ABR: variants seen among roughly 807,000 people sequenced by gnomAD.
The protein encoded by ABR is active breakpoint cluster region-related protein.
ABR carries 35 observed loss-of-function variants against 107.2 expected under a neutral mutation model. The ratio of observed to expected loss-of-function variants is 0.33; its 90% CI spans 0.25 to 0.43. ABR has a LOEUF of 0.43. Among genes scored for constraint, ABR ranks in the 20% least tolerant of loss-of-function variants. The pLI is 1.00. For missense variants in ABR, 815 were observed against 1,115.2 expected (o/e 0.73, Z 3.83); for synonymous variants, 498 against 462.0 (o/e 1.08, Z -1.00).
At chr17:1,038,823 G>A (rs1026778524) in intron 16 of ABR, among the ~76,000 whole-genome samples, 3 of 152,232 alleles carry the variant, frequency 2.0e-5, no homozygotes, top group Admixed American at 2.0e-4. Flanking sequence ...ACCCTTCTGT[G>A]GCATCCTTCT....
In ABR at chr17:1,050,293, A is replaced by C. The variant is rs2032317125; in HGVS notation, c.1660-112T>G. 3 of 1,367,268 alleles carry C rather than the reference A, an allele frequency of 2.2e-6. No homozygotes were observed. The highest frequency in any genetic ancestry group is 3.0e-6 in the Non-Finnish European group (3 of 1,012,224). 84.7% of individuals were successfully genotyped at this position (1,367,268 alleles called of 1,614,324 possible). On this transcript the variant is annotated intron_variant, in intron 15 of 22. Coordinates refer to ENST00000302538, the MANE Select transcript of ABR (RefSeq NM_021962.5). This position sits in a 1 kb window ranked among gnomAD's most constrained non-coding sequence, Gnocchi z 4.6. ...AGGAGGGAGTAAGCACGGCCCACGA[A>C]GGACACGTCAGATTTTCTGGAGCTC...
intron 16 of ABR, among the ~76,000 whole-genome samples, chr17:1,049,237 A>G (rs141253245): frequency 1.3e-3 from 196 of 152,070 alleles, no homozygotes; most frequent in African/African-American, 4.6e-3. Context: ...GCGCGATCTC[A>G]GCTCACTGCA....
chr17:1,171,599 G>A (rs1024132747), intron 1 of ABR, among the ~76,000 whole-genome samples: 1 of 152,168 alleles, frequency 6.6e-6, no homozygotes, highest in African/African-American at 2.4e-5. Flanking sequence ...GTGACCTAGA[G>A]GCACACCAAG....
intron 1 of ABR, among the ~76,000 whole-genome samples, chr17:1,192,758 CA>C (rs914377796): frequency 6.6e-5 from 10 of 151,976 alleles, no homozygotes; most frequent in East Asian, 1.9e-4. Context: ...ACTAAAAATA[CA>C]AAAAAATAGC....
At chr17:1,167,149 G>T (rs2041543812) in intron 1 of ABR, among the ~76,000 whole-genome samples, 1 of 143,486 alleles carries the variant, frequency 7.0e-6, no homozygotes. Context: ...GCAAAGCCTT[G>T]AGCTCTGGCT....
intron 1 of ABR, among the ~76,000 whole-genome samples, chr17:1,214,782 CAA>C (rs2042967349): frequency 6.9e-6 from 1 of 144,828 alleles, no homozygotes. Flanking sequence ...GCCTAGGCAA[CAA>C]GAGCGAAACT....
At chr17:1,124,006 G>T (rs2039473706) in intron 2 of ABR, among the ~76,000 whole-genome samples, 1 of 152,082 alleles carries the variant, frequency 6.6e-6, no homozygotes, top group Non-Finnish European at 1.5e-5. Flanking sequence ...TCCCACAGGT[G>T]CACGCCTGGA....
At chr17:1,031,028 C>T (rs899528435) in intron 16 of ABR, among the ~76,000 whole-genome samples, 1 of 152,216 alleles carries the variant, frequency 6.6e-6, no homozygotes, top group Non-Finnish European at 1.5e-5. Context: ...GCAGGGGCAC[C>T]GGCGGTCTGC....
Position 1,005,227 on chromosome 17 carries a change from G to T in ABR, c.*853C>A. ...TGAGTCTTTACACTCAAAGGAAATA[G>T]AACAGCAGGGAAGGGAACTGAAAAG... On this transcript the variant is annotated 3_prime_UTR_variant, in exon 23 of 23. Transcript: ENST00000302538. 2.5e-6 allele frequency: 1 copy of T among 398,670 alleles called. No individual in the cohort carries two copies. Among genetic ancestry groups the T allele is most frequent in the Non-Finnish European group, 4.4e-6 (1 of 226,106 alleles). 24.7% of individuals were successfully genotyped at this position (398,670 alleles called of 1,614,324 possible).
chr17:1,134,389 G>A (rs909828265), intron 1 of ABR, among the ~76,000 whole-genome samples: 1 of 151,426 alleles, frequency 6.6e-6, no homozygotes, highest in East Asian at 1.9e-4. Flanking sequence ...TCCAGCCGGG[G>A]CAACAGAGCA....
intron 1 of ABR, among the ~76,000 whole-genome samples, chr17:1,177,680 C>T (rs919837751): frequency 2.0e-5 from 3 of 152,030 alleles, no homozygotes; most frequent in East Asian, 3.9e-4. Context: ...TTCCAGGCTT[C>T]GGGAAATAGG....
At chr17:1,058,136 CTTTTTTTTT>C in intron 11 of ABR, 91 bp from the exon 12 acceptor site, 1 of 318,116 alleles carries the variant, frequency 3.1e-6, no homozygotes, top group East Asian at 7.4e-5. Context: ...CTCCTTTTAT[CTTTTTTTTT>C]TTTTTTTTTT....
At chr17:1,052,329 C>G (rs368263479) in intron 14 of ABR, among the ~76,000 whole-genome samples, 7 of 145,890 alleles carry the variant, frequency 4.8e-5, no homozygotes, top group Admixed American at 1.4e-4. Flanking sequence ...AGCCCCTCCT[C>G]GAGGGGCTGG....
At chr17:1,082,118 G>A (rs530992072) in intron 5 of ABR, among the ~76,000 whole-genome samples, 1 of 152,154 alleles carries the variant, frequency 6.6e-6, no homozygotes. Flanking sequence ...GAGCTGAGAC[G>A]GGAACACAAA....
intron 18 of ABR, 67 bp downstream of exon 18, chr17:1,012,621 G>C: frequency 5.7e-6 from 7 of 1,227,508 alleles, no homozygotes; most frequent in Non-Finnish European, 8.2e-6. Flanking sequence ...GGGAGGGCTG[G>C]GGGGCCCGGG....
chr17:1,047,049 C>A (rs2151009184), intron 16 of ABR, among the ~76,000 whole-genome samples: 1 of 152,312 alleles, frequency 6.6e-6, no homozygotes, highest in East Asian at 1.9e-4. Flanking sequence ...CTCATCACAG[C>A]AGCAAATGCC....
rs950297555 is a variant in ABR at position 1,005,314 on chromosome 17, A to G, written c.*766T>C. 5.0e-6 allele frequency: 2 copies of G among 396,816 alleles called. No homozygotes were observed. Among genetic ancestry groups the G allele is most frequent in the Non-Finnish European group, 8.9e-6 (2 of 225,412 alleles). The allele number at this position is 396,816 out of a possible 1,614,324, so 24.6% of individuals were successfully genotyped here. A position where few individuals can be genotyped will look rare whatever the true frequency, so the allele number is the denominator to read the frequency against. ...ACAGGAGGCCGAACAGGTAAACCCC[A>G]GAAGTGGAGATTCCCAAACGGAAAA... is the stretch of plus-strand genomic sequence containing the variant. On this transcript the variant is annotated 3_prime_UTR_variant, in exon 23 of 23. Coordinates refer to ENST00000302538, the MANE Select transcript of ABR (RefSeq NM_021962.5).
chr17:1,109,029 C>T, intron 2 of ABR: 3 of 1,599,454 alleles, frequency 1.9e-6, no homozygotes, highest in East Asian at 2.3e-5. Flanking sequence ...TCCTCCAGAA[C>T]CTTGTCCAGC....
At chr17:1,044,807 G>A (rs949997523) in intron 16 of ABR, among the ~76,000 whole-genome samples, 8 of 152,090 alleles carry the variant, frequency 5.3e-5, no homozygotes, top group South Asian at 2.1e-4. Flanking sequence ...CCTGCCAGGC[G>A]GGTCTGTCCT....
Sources: allele counts gnomAD v4.1 joint callset (sites outside exome capture counted in the v4.1 genomes callset), GRCh38; gene constraint gnomAD v4.1.1; non-coding constraint Gnocchi (gnomAD v3.1); transcripts MANE v1.5; gene names NCBI Gene and HGNC (gene_info 2026-07-23, HGNC 2026-07-21).